Variants in SLC2A14 observed in about 807,000 individuals in gnomAD.
SLC2A14 encodes solute carrier family 2 member 14, also known as solute carrier family 2, facilitated glucose transporter member 14.
SLC2A14 carries 13 observed loss-of-function variants against 43.0 expected under a neutral mutation model. That is an observed-to-expected ratio of 0.30 (90% CI 0.20 to 0.48). The LOEUF is 0.48. Ranked by LOEUF, SLC2A14 falls within the 20% of genes least tolerant of loss-of-function variation. The pLI is 0.99. For synonymous variants in SLC2A14, 190 were observed against 233.8 expected (o/e 0.81, Z 1.71); for missense variants, 428 against 620.4 (o/e 0.69, Z 3.29).
rs1592127168 is a variant in SLC2A14, at chr12:7,813,046, T to C, written c.*1270A>G. The C allele has an allele frequency of 6.6e-6, 1 of 151,738 alleles. No individual in the cohort carries two copies. The highest frequency in any genetic ancestry group is 1.5e-5 in the Non-Finnish European group (1 of 67,952). 9.4% of individuals were successfully genotyped at this position (151,738 alleles called of 1,614,324 possible). ...CATTCGGCATAGGACCACAGTGACA[T>C]GGTAACAGACATACGCAAGCGTGCC... On this transcript the variant is annotated 3_prime_UTR_variant, in exon 11 of 11. Coordinates refer to ENST00000431042, the MANE Select transcript of SLC2A14 (RefSeq NM_001286234.2).
intron 1 of SLC2A14, among the ~76,000 whole-genome samples, chr12:7,886,935 T>C (rs1751595180): frequency 6.9e-6 from 1 of 145,050 alleles, no homozygotes; most frequent in Non-Finnish European, 1.5e-5. Flanking sequence ...TTTTTGAGAC[T>C]GAGTCTTGCT....
chr12:7,814,700 C>T (rs750179161), intron 10 of SLC2A14, among the ~76,000 whole-genome samples, 166 bp from the exon 11 acceptor site: 35 of 152,128 alleles, frequency 2.3e-4, no homozygotes, highest in African/African-American at 7.7e-4. Context: ...CTATTGCTAA[C>T]TTACTATATT....
At chr12:7,875,557 C>A (rs917807990), upstream of SLC2A14, among the ~76,000 whole-genome samples, 2 of 151,590 alleles carry the variant, frequency 1.3e-5, no homozygotes, top group African/African-American at 4.9e-5. Context: ...ATGTTTCTAC[C>A]CCCTCAATAT....
chr12:7,868,787 C>T (rs1190976910), intron 2 of SLC2A14, among the ~76,000 whole-genome samples: 2 of 152,134 alleles, frequency 1.3e-5, no homozygotes, highest in Admixed American at 6.6e-5. Context: ...GCAGGTGGAT[C>T]ACCAGAGATC....
At chr12:7,847,798 G>A (rs1866587620) in intron 2 of SLC2A14, among the ~76,000 whole-genome samples, 1 of 152,042 alleles carries the variant, frequency 6.6e-6, no homozygotes, top group Non-Finnish European at 1.5e-5. Flanking sequence ...GAAACAAAAG[G>A]GTGCAGAAAG....
At chr12:7,888,659 G>A (rs1014593414) in intron 1 of SLC2A14, among the ~76,000 whole-genome samples, 15 of 151,892 alleles carry the variant, frequency 9.9e-5, no homozygotes, top group African/African-American at 2.7e-4. Flanking sequence ...TTAGCCAGGC[G>A]TGGTGGTGCA....
chr12:7,826,990 C>CTT (rs1864510080), intron 7 of SLC2A14, among the ~76,000 whole-genome samples: 1 of 141,534 alleles, frequency 7.1e-6, no homozygotes, highest in Admixed American at 7.3e-5. Context: ...TCTCCTTTCT[C>CTT]TCTTTCTCTC....
At position 7,814,284 on chromosome 12, in the gene SLC2A14, C is replaced by T; in HGVS notation, c.*32G>A. On this transcript the variant is annotated 3_prime_UTR_variant, in exon 11 of 11. Coordinates refer to ENST00000431042, the MANE Select transcript of SLC2A14 (RefSeq NM_001286234.2). ...CTTGTTGAGGGAGAGGTGGCTTTCC[C>T]ATGCCGGGAGGGAGGTGGAAGGAGG... 1 of 1,522,634 alleles carries T rather than the reference C, an allele frequency of 6.6e-7. No individual in the cohort carries two copies. Among genetic ancestry groups the T allele is most frequent in the South Asian group, 1.2e-5 (1 of 84,100 alleles). 94.3% of individuals were successfully genotyped at this position (1,522,634 alleles called of 1,614,324 possible).
intron 2 of SLC2A14, among the ~76,000 whole-genome samples, chr12:7,850,124 G>C (rs1389630038): frequency 6.6e-6 from 1 of 151,884 alleles, no homozygotes; most frequent in Non-Finnish European, 1.5e-5. Context: ...AAGGGATCTT[G>C]GAAGATGGGT....
chr12:7,843,344 G>C (rs924223862), intron 2 of SLC2A14, among the ~76,000 whole-genome samples: 1 of 148,022 alleles, frequency 6.8e-6, no homozygotes, highest in East Asian at 2.0e-4. Flanking sequence ...TGTCACAGGC[G>C]CTGTTTCAAA....
rs749239476 is a variant in SLC2A14, at chr12:7,827,556, C to A, written c.803G>T (p.Arg268Leu). The A allele has an allele frequency of 3.1e-6, 5 of 1,612,994 alleles. No individual in the cohort carries two copies. In the South Asian group the frequency reaches 5.5e-5, roughly 18 times the overall value. Residue 268 changes from arginine to leucine, a missense_variant, in exon 7 of 11, where the codon CGA becomes CTA. By Grantham distance (102) the Arg-to-Leu change is moderately radical (BLOSUM62 -2). Around this residue, in one of 4 missense-constraint regions of SLC2A14, gnomAD observed 185 missense variants for 275.4 expected, o/e 0.67. Coordinates refer to ENST00000431042, the MANE Select transcript of SLC2A14 (RefSeq NM_001286234.2). ...CACAATGGAAATGATGATGGGCTGTCGGTAGCTGGACACTCTAAAGAGCTC... is the reference window on the plus strand; with the variant it reads ...CACAATGGAAATGATGATGGGCTGTAGGTAGCTGGACACTCTAAAGAGCTC... ...VLELFRVSSY[R>L]QPIIISIVLQ...
At chr12:7,891,002 C>T in exon 1 of SLC2A14, 1 of 1,534,662 alleles carries the variant, frequency 6.5e-7, no homozygotes, top group East Asian at 2.4e-5. Flanking sequence ...TTACCTCCTC[C>T]CCGACGCCCC....
chr12:7,880,191 C>T (rs998773042), intron 1 of SLC2A14, among the ~76,000 whole-genome samples: 7 of 151,838 alleles, frequency 4.6e-5, no homozygotes, highest in Admixed American at 3.9e-4. Flanking sequence ...ATCCCAGCTA[C>T]TTGGGAGGCT....
chr12:7,882,891 A>T (rs751252383), intron 1 of SLC2A14, among the ~76,000 whole-genome samples: 9 of 8,252 alleles, frequency 1.1e-3, no homozygotes, highest in Non-Finnish European at 5.2e-3. Flanking sequence ...ATTCAAGTTT[A>T]AAAAAAAAAA....
At chr12:7,871,027 C>G (rs1180770617) in intron 1 of SLC2A14, 10 of 1,431,468 alleles carry the variant, frequency 7.0e-6, no homozygotes, top group Non-Finnish European at 9.4e-6. Context: ...GCACGACAAG[C>G]TGGCTTCACC....
chr12:7,848,375 T>C (rs1014136905), intron 2 of SLC2A14, among the ~76,000 whole-genome samples: 2 of 119,852 alleles, frequency 1.7e-5, no homozygotes, highest in East Asian at 4.7e-4. Context: ...CAGATTGTCT[T>C]TTTTTTATTA....
chr12:7,877,944 T>C (rs893855501), upstream of SLC2A14, among the ~76,000 whole-genome samples: 5 of 152,152 alleles, frequency 3.3e-5, no homozygotes, highest in African/African-American at 1.2e-4. Flanking sequence ...GGCTTCACTA[T>C]GTTGGTTAGG....
intron 7 of SLC2A14, among the ~76,000 whole-genome samples, chr12:7,826,994 T>TTTCTCTCCTTTCTCTCTCTC (rs1207000454): frequency 8.6e-6 from 1 of 116,222 alleles, no homozygotes; most frequent in Non-Finnish European, 1.8e-5. Context: ...CTTTCTCTCT[T>TTTCTCTCCTTTCTCTCTCTC]TCTCTCCTTT....
At chr12:7,828,649 C>G in intron 6 of SLC2A14, 55 bp downstream of exon 6, 3 of 1,590,414 alleles carry the variant, frequency 1.9e-6, no homozygotes, top group Non-Finnish European at 2.6e-6. Context: ...TACCCTCACC[C>G]TTAAAACAAA....
Sources: gnomAD v4.1 joint callset for allele counts (sites outside exome capture counted in the v4.1 genomes callset) on GRCh38, gnomAD v4.1.1 for gene constraint, gnomAD v4.1.1 regional missense constraint, MANE v1.5 for transcripts, NCBI Gene and HGNC (gene_info 2026-07-23, HGNC 2026-07-21) for gene names.